Variants in SPATA20 observed in about 807,000 individuals in gnomAD.
SPATA20 encodes the protein spermatogenesis associated 20.
In SPATA20, 74 loss-of-function variants were observed where a neutral mutation model predicts 98.9. The observed-to-expected ratio is 0.75, with a 90% confidence interval of 0.62 to 0.91. The LOEUF is 0.91. SPATA20 is among the 40% of genes least tolerant of loss of function. SPATA20 has a pLI of 0.00. For missense variants in SPATA20, 1,016 were observed against 1,069.8 expected, an observed-to-expected ratio of 0.95 and a Z score of 0.70; for synonymous variants, 430 against 440.5, an observed-to-expected ratio of 0.98 and a Z score of 0.30.
rs757705209 is a variant in SPATA20 at position 50,554,480 on chromosome 17, C to T, written c.2157+30C>T. 186 of 1,601,860 alleles carry T rather than the reference C, an allele frequency of 1.2e-4. 1 individual carries two copies. Among genetic ancestry groups the T allele is most frequent in the South Asian group, 2.2e-5 (2 of 90,964 alleles). On this transcript the variant is annotated intron_variant, in intron 15 of 16. Coordinates refer to ENST00000006658, the MANE Select transcript of SPATA20 (RefSeq NM_022827.4). ...GGGGTGAGGGCATCTGGGCTGGGAC[C>T]TCGGGTAGGAGGGAAGTTGGGGCTG... is the stretch of plus-strand genomic sequence containing the variant.
rs202123522 is a variant in SPATA20, at chr17:50,550,681, G to A, written c.1174-27G>A. ...GGGCCTCCACTGCCCTGTGGGCCGGGGCCAGCCAACTCTCCCCTCCCCACA... is the reference window on the plus strand; with the variant it reads ...GGGCCTCCACTGCCCTGTGGGCCGGAGCCAGCCAACTCTCCCCTCCCCACA... On this transcript the variant is annotated intron_variant, in intron 10 of 16. Coordinates refer to ENST00000006658, the MANE Select transcript of SPATA20 (RefSeq NM_022827.4). 95 of 1,613,172 alleles carry A rather than the reference G, an allele frequency of 5.9e-5. No homozygotes were observed. The African/African-American group carries it at 1.1e-3, about 18-fold the overall frequency.
rs138356393 is a variant in SPATA20 at position 50,548,405 on chromosome 17, A to G, written c.248A>G (p.His83Arg). The change falls in exon 3 of 17, where the codon CAC (histidine) becomes CGC (arginine). Residue 83 changes from histidine to arginine, a missense_variant. Coordinates refer to ENST00000006658, the MANE Select transcript of SPATA20 (RefSeq NM_022827.4). ...TPQRVPNRLI[H>R]EKSPYLLQHA... The stretch of plus-strand genomic sequence containing the variant: ...CAGAGGGTCCCCAACCGCCTGATCC[A>G]CGAGAAGTCACCATACCTCCTACAA... 9.7e-5 allele frequency: 157 copies of G among 1,613,928 alleles called. No individual in the cohort carries two copies. Among genetic ancestry groups the G allele is most frequent in the East Asian group, 4.5e-5 (2 of 44,886 alleles).
At chr17:50,555,427 G>T in intron 16 of SPATA20, 65 bp from the exon 17 acceptor site, 2 of 1,603,940 alleles carry the variant, frequency 1.2e-6, no homozygotes, top group South Asian at 2.2e-5. Context: ...TTCCCAGTGG[G>T]CCTTTCTAAT....
At chr17:50,548,716 A>T in intron 4 of SPATA20, 94 bp from the exon 5 acceptor site, 1 of 1,587,744 alleles carries the variant, frequency 6.3e-7, no homozygotes. Context: ...AGGAGACTAG[A>T]GGCCAGGACG....
intron 15 of SPATA20, among the ~76,000 whole-genome samples, chr17:50,554,681 CTG>C (rs1049843702): frequency 6.6e-6 from 1 of 152,134 alleles, no homozygotes; most frequent in African/African-American, 2.4e-5. Flanking sequence ...TCTGTCCATA[CTG>C]TGTTACTGGT....
Position 50,550,843 on chromosome 17 carries a change from G to GA in SPATA20, c.1310dup (p.Pro438AlafsTer19), listed in dbSNP as rs758586707. On this transcript the variant is annotated frameshift_variant, in exon 11 of 17. Transcript: ENST00000006658. LOFTEE classifies it high-confidence loss of function. ...CCCGGAGCCTGTGTTGGGTGCCACC[G>GA]AGCCGCTGACCTCAGGCCAGCTCCT... 1 of 1,612,934 alleles carries GA rather than the reference G, an allele frequency of 6.2e-7. No homozygotes were observed. Among genetic ancestry groups the GA allele is most frequent in the African/African-American group, 1.3e-5 (1 of 74,952 alleles).
chr17:50,555,039 C>T lies in SPATA20; in HGVS notation c.2158-193C>T, dbSNP rs192395981. ...GTGTATATGTATGACATTTCCACTT[C>T]GGTATTCTCATGTGTGAGTGTGTGT... On this transcript the variant is annotated intron_variant, in intron 15 of 16. Transcript: ENST00000006658. 5.1e-4 allele frequency among the ~76,000 whole-genome samples: 77 copies of T among 151,680 alleles called. 1 individual carries two copies. The East Asian group carries it at 0.011, about 22-fold the overall frequency.
chr17:50,550,309 C>T lies in SPATA20; in HGVS notation c.1095C>T (p.Phe365=), dbSNP rs1161626296. 1.9e-6 allele frequency: 3 copies of T among 1,578,412 alleles called. No homozygotes were observed. The highest frequency in any genetic ancestry group is 2.6e-6 in the Non-Finnish European group (3 of 1,157,668). The change falls in exon 9 of 17, where the codon TTC becomes TTT. Residue 365 remains phenylalanine (F), a synonymous_variant. Coordinates refer to ENST00000006658, the MANE Select transcript of SPATA20 (RefSeq NM_022827.4). The stretch of plus-strand genomic sequence containing the variant: ...TCGCTGTGGCCTATTCGCAGGCCTT[C>T]CAGGTGACCCCTGACCCCAGCCCAG... ...AQLAVAYSQA[F]QLSGDEFYSD... is the part of the protein sequence containing the mutation.
At chr17:50,547,368 C>T in intron 1 of SPATA20, 83 bp downstream of exon 1, 1 of 1,214,980 alleles carries the variant, frequency 8.2e-7, no homozygotes, top group Non-Finnish European at 1.1e-6. Context: ...CACCGGTCCC[C>T]AGTGCCAGTC....
At chr17:50,551,213 G>C (rs375905010) in intron 12 of SPATA20, 23 bp downstream of exon 12, 1 of 1,590,540 alleles carries the variant, frequency 6.3e-7, no homozygotes, top group East Asian at 2.3e-5. Context: ...ACCTGAGACC[G>C]AGCCTGTCTG....
rs776395801 is a variant in SPATA20 at position 50,549,437 on chromosome 17, A to AT, written c.813dup (p.Asp272Ter). Reference sequence around the variant, plus strand: ...TGCTTCCAGCAGCTGGATGAGGGCTATGATGAGGAATACGGTGGCTTCGCT... The same window carrying AT: ...TGCTTCCAGCAGCTGGATGAGGGCTATTGATGAGGAATACGGTGGCTTCGCT... On this transcript the variant is annotated frameshift_variant, in exon 7 of 17. Coordinates refer to ENST00000006658, the MANE Select transcript of SPATA20 (RefSeq NM_022827.4). LOFTEE classifies it high-confidence loss of function. 8.1e-6 allele frequency: 13 copies of AT among 1,612,518 alleles called. No homozygotes were observed. The highest frequency in any genetic ancestry group is 1.1e-5 in the Non-Finnish European group (13 of 1,179,998).
chr17:50,548,625 C>A lies in SPATA20; in HGVS notation c.361+7C>A. ...AAGCCGATTTTCCTCTCAGGTAATG[C>A]TCCCACCTTCCCTGATGTGGGGGTG... On this transcript the variant is annotated splice_region_variant and intron_variant, in intron 4 of 16. Transcript: ENST00000006658. 1 of 1,612,386 alleles carries A rather than the reference C, an allele frequency of 6.2e-7. No individual in the cohort carries two copies. The highest frequency in any genetic ancestry group is 1.3e-5 in the African/African-American group (1 of 74,994).
Position 50,554,405 on chromosome 17 carries a change from C to T in SPATA20, c.2112C>T (p.Pro704=), listed in dbSNP as rs777834448. Reference sequence around the variant, plus strand: ...TGCGTCGTGTCCCGGTGGCGTTGCCCGAGATGGTCCGCGCCCTCTCAGCCC... The same window carrying T: ...TGCGTCGTGTCCCGGTGGCGTTGCCTGAGATGGTCCGCGCCCTCTCAGCCC... ...ERMRRVPVAL[P]EMVRALSAQQ... The change falls in exon 15 of 17, where the codon CCC becomes CCT. Residue 704 remains proline (P), a synonymous_variant. Transcript: ENST00000006658. 9.3e-6 allele frequency: 15 copies of T among 1,613,482 alleles called. No homozygotes were observed. The highest frequency in any genetic ancestry group is 8.9e-5 in the East Asian group (4 of 44,878).
intron 7 of SPATA20, 89 bp from the exon 8 acceptor site, chr17:50,549,896 C>A: frequency 7.0e-7 from 1 of 1,422,798 alleles, no homozygotes; most frequent in Non-Finnish European, 9.5e-7. Context: ...GAACTCCCAG[C>A]CTCTGCCTGG....
In SPATA20 at chr17:50,548,560, CT is replaced by C; in HGVS notation, c.304del (p.Trp102GlyfsTer30). On this transcript the variant is annotated frameshift_variant, in exon 4 of 17. Coordinates refer to ENST00000006658, the MANE Select transcript of SPATA20 (RefSeq NM_022827.4). LOFTEE classifies it high-confidence loss of function. The stretch of plus-strand genomic sequence containing the variant: ...CCCACCCTGCTGGGTCTAGGTACCC[CT>C]GGGGACAGGAAGCCTTCGACAAGGC... ...HAYNPVDWYP[W>X]GQEAFDKARK... The C allele has an allele frequency of 6.2e-7, 1 of 1,613,740 alleles. No individual in the cohort carries two copies. Among genetic ancestry groups the C allele is most frequent in the Non-Finnish European group, 8.5e-7 (1 of 1,179,876 alleles).
chr17:50,548,045 C>A (rs1292718552), intron 2 of SPATA20: 1 of 1,483,768 alleles, frequency 6.7e-7, no homozygotes, highest in Admixed American at 2.3e-5. Flanking sequence ...ACCGCCAGGC[C>A]CAGGAGGTTG....
Position 50,548,632 on chromosome 17 carries a change from C to A in SPATA20, c.361+14C>A. ...TTTTCCTCTCAGGTAATGCTCCCAC[C>A]TTCCCTGATGTGGGGGTGTGGGCAG... is the stretch of plus-strand genomic sequence containing the variant. On this transcript the variant is annotated intron_variant, in intron 4 of 16. Transcript: ENST00000006658. 3.1e-6 allele frequency: 5 copies of A among 1,611,660 alleles called. No homozygotes were observed. The highest frequency in any genetic ancestry group is 4.2e-6 in the Non-Finnish European group (5 of 1,179,242).
At position 50,554,287 on chromosome 17, in the gene SPATA20, C is replaced by T. The variant is rs750361870; in HGVS notation, c.1994C>T (p.Ser665Leu). Residue 665 changes from serine to leucine, a missense_variant, in exon 15 of 17, where the codon TCA becomes TTA. By Grantham distance (145) the Ser-to-Leu change is moderately radical. Coordinates refer to ENST00000006658, the MANE Select transcript of SPATA20 (RefSeq NM_022827.4). The part of the protein sequence containing the change: ...DGAEPSANSV[S>L]AHNLLRLHGF... ...GCAGAGCCCAGCGCCAATTCCGTGTCAGCCCACAACCTGCTCCGGCTGCAT... is the reference window on the plus strand; with the variant it reads ...GCAGAGCCCAGCGCCAATTCCGTGTTAGCCCACAACCTGCTCCGGCTGCAT... 6.2e-7 allele frequency: 1 copy of T among 1,614,208 alleles called. No homozygotes were observed. Among genetic ancestry groups the T allele is most frequent in the Non-Finnish European group, 8.5e-7 (1 of 1,180,038 alleles).
chr17:50,550,346 C>T, intron 9 of SPATA20, 34 bp downstream of exon 9: 4 of 1,510,306 alleles, frequency 2.6e-6, no homozygotes, highest in Non-Finnish European at 3.6e-6. Context: ...GAACAGGCAT[C>T]TCACTCTGGC....
Sources: gnomAD v4.1 joint callset for allele counts (sites outside exome capture counted in the v4.1 genomes callset) on GRCh38, gnomAD v4.1.1 for gene constraint, MANE v1.5 for transcripts, NCBI Gene and HGNC (gene_info 2026-07-23, HGNC 2026-07-21) for gene names.